The following PABPC4L variants were observed in gnomAD, a reference collection of about 807,000 sequenced individuals.
PABPC4L encodes the protein polyadenylate-binding protein 4-like.
For synonymous variants in PABPC4L, 169 were observed against 164.1 expected, an observed-to-expected ratio of 1.03 and a Z score of -0.23; for missense variants, 452 against 451.4, an observed-to-expected ratio of 1.00 and a Z score of -0.01.
At chr4:134,096,440 G>T in the PABPC4L span, among the ~76,000 whole-genome samples, 1 of 151,868 alleles carries the variant, frequency 6.6e-6, no homozygotes, top group Non-Finnish European at 1.5e-5. Context: ...AAACAAAAGG[G>T]TCAAACTACA....
At chr4:134,170,475 G>A in the PABPC4L span, among the ~76,000 whole-genome samples, 2 of 152,146 alleles carry the variant, frequency 1.3e-5, no homozygotes, top group South Asian at 2.1e-4. Flanking sequence ...ATTGCCTCAC[G>A]GTACCATAGG....
the PABPC4L span, among the ~76,000 whole-genome samples, chr4:134,179,465 A>G: frequency 6.6e-6 from 1 of 152,152 alleles, no homozygotes; most frequent in Non-Finnish European, 1.5e-5. Context: ...GACACTGTAA[A>G]ACAGCCACAC....
At chr4:133,951,840 T>G in the PABPC4L span, among the ~76,000 whole-genome samples, 23 of 152,154 alleles carry the variant, frequency 1.5e-4, no homozygotes, top group African/African-American at 5.1e-4. Flanking sequence ...ATCTTTTTCT[T>G]TAGAGCCTAT....
chr4:134,022,001 A>C, the PABPC4L span, among the ~76,000 whole-genome samples: 2 of 152,096 alleles, frequency 1.3e-5, no homozygotes. Context: ...TAACTGAGGT[A>C]TTGGAGGCAA....
chr4:134,129,870 C>T, the PABPC4L span, among the ~76,000 whole-genome samples: 1 of 151,788 alleles, frequency 6.6e-6, no homozygotes, highest in African/African-American at 2.4e-5. Flanking sequence ...GAGTTTGAGA[C>T]CAGCCTGACC....
the PABPC4L span, among the ~76,000 whole-genome samples, chr4:134,038,776 C>T: frequency 6.6e-6 from 1 of 152,004 alleles, no homozygotes; most frequent in Non-Finnish European, 1.5e-5. Context: ...AAACCAGCTC[C>T]TGGATTCATT....
chr4:134,124,998 C>A, the PABPC4L span, among the ~76,000 whole-genome samples: 1 of 151,988 alleles, frequency 6.6e-6, no homozygotes. Context: ...AAGACCACAC[C>A]GGTAATCTGA....
At chr4:134,104,424 C>T in the PABPC4L span, among the ~76,000 whole-genome samples, 2 of 151,662 alleles carry the variant, frequency 1.3e-5, no homozygotes, top group Non-Finnish European at 1.5e-5. Flanking sequence ...AATCTCAGGT[C>T]CCATCCACCA....
downstream of PABPC4L, among the ~76,000 whole-genome samples, chr4:134,193,535 T>C (rs1578878323): frequency 6.6e-6 from 1 of 151,966 alleles, no homozygotes; most frequent in Admixed American, 6.6e-5. Context: ...AGGGAGACTT[T>C]CCTGTCTCTT....
chr4:134,186,051 G>T, the PABPC4L span, among the ~76,000 whole-genome samples: 6 of 152,066 alleles, frequency 3.9e-5, no homozygotes, highest in Non-Finnish European at 7.4e-5. Context: ...ACAAACAAAT[G>T]GAAGAACATT....
the PABPC4L span, among the ~76,000 whole-genome samples, chr4:133,953,693 G>C: frequency 6.6e-6 from 1 of 151,958 alleles, no homozygotes; most frequent in Non-Finnish European, 1.5e-5. Context: ...CAATTCCTGG[G>C]GTCATTATTA....
the PABPC4L span, among the ~76,000 whole-genome samples, chr4:134,036,021 A>G: frequency 6.6e-6 from 1 of 151,936 alleles, no homozygotes; most frequent in African/African-American, 2.4e-5. Context: ...AATTACCTTT[A>G]CCTGTCCTTT....
chr4:134,166,300 A>G, the PABPC4L span, among the ~76,000 whole-genome samples: 1 of 152,218 alleles, frequency 6.6e-6, no homozygotes, highest in Admixed American at 6.5e-5. Context: ...AAATGAATAT[A>G]TATGTAGATA....
the PABPC4L span, among the ~76,000 whole-genome samples, chr4:134,128,045 A>C: frequency 6.6e-6 from 1 of 152,162 alleles, no homozygotes; most frequent in African/African-American, 2.4e-5. Flanking sequence ...GAATCAAACA[A>C]GTAGAAGAAA....
the PABPC4L span, among the ~76,000 whole-genome samples, chr4:134,047,811 G>GTTTTTTTTTTTTTTTT: frequency 6.8e-6 from 1 of 147,370 alleles, no homozygotes. Flanking sequence ...CTGCACCAGG[G>GTTTTTTTTTTTTTTTT]TTTTTTTTTT....
At chr4:134,189,599 CAT>C in the PABPC4L span, among the ~76,000 whole-genome samples, 2 of 151,784 alleles carry the variant, frequency 1.3e-5, no homozygotes, top group Admixed American at 6.6e-5. Flanking sequence ...TTTACACACA[CAT>C]GGTAAAAAGA....
the PABPC4L span, among the ~76,000 whole-genome samples, chr4:134,020,510 A>T: frequency 6.6e-6 from 1 of 152,070 alleles, no homozygotes; most frequent in Non-Finnish European, 1.5e-5. Context: ...AACCTTAAAC[A>T]TCTAGAAGCT....
chr4:134,143,222 T>C, the PABPC4L span, among the ~76,000 whole-genome samples: 1 of 150,854 alleles, frequency 6.6e-6, no homozygotes, highest in African/African-American at 2.4e-5. Context: ...TGATACATTG[T>C]AGATATTATT....
the PABPC4L span, among the ~76,000 whole-genome samples, chr4:133,996,119 G>T: frequency 4.6e-5 from 7 of 152,144 alleles, no homozygotes; most frequent in African/African-American, 1.7e-4. Context: ...GCAGGAGGGG[G>T]CTCAGGCAAA....
Sources: gnomAD v4.1 joint callset for allele counts (sites outside exome capture counted in the v4.1 genomes callset) on GRCh38, gnomAD v4.1.1 for gene constraint, MANE v1.5 for transcripts, NCBI Gene and HGNC (gene_info 2026-07-23, HGNC 2026-07-21) for gene names.